Variants in TRPM3 observed in about 807,000 individuals in gnomAD.
The protein encoded by TRPM3 is long transient receptor potential channel 3.
Under a neutral mutation model 181.2 loss-of-function variants are expected in TRPM3, and 77 were observed. That is an observed-to-expected ratio of 0.42 (90% CI 0.35 to 0.51). The LOEUF is 0.51. Ranked by LOEUF, TRPM3 falls within the 20% of genes least tolerant of loss-of-function variation. The pLI is 0.01. For missense variants in TRPM3, 1,759 were observed against 2,196.7 expected (o/e 0.80, Z 3.98); for synonymous variants, 745 against 796.4 (o/e 0.94, Z 1.09).
chr9:71,010,122 A>C (rs965952918), intron 1 of TRPM3, among the ~76,000 whole-genome samples: 2 of 152,226 alleles, frequency 1.3e-5, no homozygotes, highest in African/African-American at 4.8e-5. Context: ...TGAAACTAGG[A>C]AAGTACTAGA....
chr9:71,086,028 C>T (rs1448587466), intron 1 of TRPM3, among the ~76,000 whole-genome samples: 2 of 151,860 alleles, frequency 1.3e-5, no homozygotes, highest in Non-Finnish European at 2.9e-5. Flanking sequence ...ATAAAAAGAA[C>T]AAAATCATCT....
At chr9:70,635,133 A>G (rs1028923152) in intron 12 of TRPM3, 78 bp downstream of exon 12, 4 of 1,293,860 alleles carry the variant, frequency 3.1e-6, no homozygotes, top group Non-Finnish European at 4.5e-6. Context: ...CTGGCAGCTC[A>G]TGCAAAACAG....
intron 1 of TRPM3, among the ~76,000 whole-genome samples, chr9:71,278,491 A>G (rs1029667826): frequency 6.6e-6 from 1 of 152,262 alleles, no homozygotes; most frequent in Admixed American, 6.5e-5. Flanking sequence ...GGAGTCTAAT[A>G]CTAAAAGGAG....
intron 1 of TRPM3, among the ~76,000 whole-genome samples, chr9:71,219,343 C>T (rs1056469883): frequency 4.7e-4 from 72 of 152,304 alleles, no homozygotes; most frequent in African/African-American, 1.7e-3. Flanking sequence ...AAATAGTACA[C>T]ATATTCCTGA....
intron 1 of TRPM3, among the ~76,000 whole-genome samples, chr9:71,432,323 C>CTTTTTTTTTTTTTTTTTTTTT (rs67905820): frequency 2.6e-5 from 2 of 76,620 alleles, no homozygotes; most frequent in Non-Finnish European, 5.2e-5. Flanking sequence ...AAAAGTAGGA[C>CTTTTTTTTTTTTTTTTTTTTT]TTTTTTTTTT....
intron 1 of TRPM3, among the ~76,000 whole-genome samples, chr9:71,081,698 G>C (rs944176314): frequency 6.6e-6 from 1 of 152,072 alleles, no homozygotes; most frequent in Admixed American, 6.6e-5. Context: ...CACACAAACA[G>C]ACACACAATA....
chr9:70,922,771 T>C (rs1320537591), intron 1 of TRPM3, among the ~76,000 whole-genome samples: 2 of 152,210 alleles, frequency 1.3e-5, no homozygotes, highest in Admixed American at 1.3e-4. Flanking sequence ...ATTTCAGTTA[T>C]TGTAGTGCAG....
intron 21 of TRPM3, among the ~76,000 whole-genome samples, chr9:70,594,236 A>AT (rs1356096647): frequency 2.6e-5 from 4 of 152,046 alleles, no homozygotes; most frequent in Non-Finnish European, 5.9e-5. Context: ...TTTTATAAAG[A>AT]TTCAATGAGA....
At chr9:71,101,093 C>G (rs1214613609) in intron 1 of TRPM3, among the ~76,000 whole-genome samples, 1 of 152,148 alleles carries the variant, frequency 6.6e-6, no homozygotes, top group Non-Finnish European at 1.5e-5. Context: ...TATCTCTCCT[C>G]CACTGCTTAT....
intron 1 of TRPM3, among the ~76,000 whole-genome samples, chr9:71,323,483 C>T (rs369952916): frequency 1.3e-5 from 2 of 151,930 alleles, no homozygotes; most frequent in Admixed American, 1.3e-4. Context: ...CTGAACTCAC[C>T]AAACTAGTAA....
chr9:71,398,674 G>T (rs1161116817), intron 1 of TRPM3, among the ~76,000 whole-genome samples: 6 of 152,124 alleles, frequency 3.9e-5, no homozygotes, highest in Non-Finnish European at 2.9e-5. Context: ...CATGCTTCCT[G>T]TACAGCTTCT....
At chr9:71,218,488 CT>C (rs1259932340) in intron 1 of TRPM3, among the ~76,000 whole-genome samples, 1 of 152,208 alleles carries the variant, frequency 6.6e-6, no homozygotes, top group Non-Finnish European at 1.5e-5. Context: ...CCTAGACAAT[CT>C]AGCTGCTAAA....
Position 70,530,209 on chromosome 9 carries a change from C to CGAGG in TRPM3, c.*5740_*5743dup, listed in dbSNP as rs2040697878. 1 of 152,114 alleles carries CGAGG rather than the reference C, an allele frequency of 6.6e-6. No homozygotes were observed. Among genetic ancestry groups the CGAGG allele is most frequent in the African/African-American group, 2.4e-5 (1 of 41,388 alleles). 9.4% of individuals were successfully genotyped at this position (152,114 alleles called of 1,614,324 possible). A position where few individuals can be genotyped will look rare whatever the true frequency, so the allele number is the denominator to read the frequency against. On this transcript the variant is annotated 3_prime_UTR_variant, in exon 26 of 26. Transcript: ENST00000677713. Reference sequence around the variant, plus strand: ...GCGGCCGCTGTTTCAGCTTACTGTGCGAGGGTCAACAAGGTATAAAGGTAA... The same window carrying CGAGG: ...GCGGCCGCTGTTTCAGCTTACTGTGCGAGGGAGGGTCAACAAGGTATAAAGGTAA...
chr9:71,181,895 T>C (rs904557019), intron 1 of TRPM3, among the ~76,000 whole-genome samples: 3 of 152,088 alleles, frequency 2.0e-5, no homozygotes, highest in African/African-American at 7.2e-5. Flanking sequence ...AATCACCTGG[T>C]ATGTTCATTA....
intron 11 of TRPM3, among the ~76,000 whole-genome samples, chr9:70,636,508 A>G (rs2133495556): frequency 6.6e-6 from 1 of 152,330 alleles, no homozygotes; most frequent in Non-Finnish European, 1.5e-5. Context: ...ATAAAATCCA[A>G]GATGCCTAAT....
At chr9:71,236,974 G>A (rs1241693231) in intron 1 of TRPM3, among the ~76,000 whole-genome samples, 5 of 149,964 alleles carry the variant, frequency 3.3e-5, no homozygotes, top group Non-Finnish European at 7.4e-5. Flanking sequence ...TTGAACCTGG[G>A]AGGCGGAGGC....
At chr9:71,080,171 A>AAAATAGATAAAT (rs1554820950) in intron 1 of TRPM3, among the ~76,000 whole-genome samples, 2 of 133,196 alleles carry the variant, frequency 1.5e-5, no homozygotes, top group Non-Finnish European at 3.1e-5. Context: ...ACTCCATCTC[A>AAAATAGATAAAT]AAATAAATAA....
intron 1 of TRPM3, among the ~76,000 whole-genome samples, chr9:71,081,087 C>T (rs1477448510): frequency 6.6e-6 from 1 of 152,044 alleles, no homozygotes; most frequent in Non-Finnish European, 1.5e-5. Flanking sequence ...AGTCCAAGAC[C>T]CCCCTCTCCT....
At chr9:70,622,423 A>C (rs1183279175) in intron 14 of TRPM3, among the ~76,000 whole-genome samples, 1 of 152,254 alleles carries the variant, frequency 6.6e-6, no homozygotes, top group African/African-American at 2.4e-5. Context: ...GGTATTATTC[A>C]GAAATATATT....
Sources: allele counts gnomAD v4.1 joint callset (sites outside exome capture counted in the v4.1 genomes callset), GRCh38; gene constraint gnomAD v4.1.1; transcripts MANE v1.5; gene names NCBI Gene and HGNC (gene_info 2026-07-23, HGNC 2026-07-21).